Variants in COQ2 observed in about 807,000 individuals in gnomAD.
COQ2 encodes the protein 4-hydroxybenzoate polyprenyltransferase, mitochondrial.
A neutral mutation model predicts 35.7 loss-of-function variants in COQ2; 25 were observed. The observed-to-expected ratio is 0.70, with a 90% confidence interval of 0.51 to 0.98. The LOEUF (loss-of-function observed/expected upper bound fraction) is 0.98, where lower values mean the gene tolerates loss of function less well. Ranked by LOEUF, COQ2 falls within the 50% of genes least tolerant of loss-of-function variation. The pLI is 0.00. For synonymous variants in COQ2, 206 were observed against 186.2 expected (o/e 1.11, Z -0.86); for missense variants, 488 against 473.5 (o/e 1.03, Z -0.28).
intron 2 of COQ2, among the ~76,000 whole-genome samples, chr4:83,274,235 TAA>T (rs1735114530): frequency 6.6e-6 from 1 of 152,094 alleles, no homozygotes; most frequent in South Asian, 2.1e-4. Flanking sequence ...AGAGAAAGCC[TAA>T]AATATTTACG....
intron 1 of COQ2, among the ~76,000 whole-genome samples, chr4:83,282,151 G>T (rs1735340436): frequency 6.6e-6 from 1 of 152,180 alleles, no homozygotes; most frequent in Non-Finnish European, 1.5e-5. Flanking sequence ...ATCAAAAACA[G>T]ATGATCTTCA....
chr4:83,284,405 G>A, intron 1 of COQ2, 107 bp downstream of exon 1: 1 of 1,434,868 alleles, frequency 7.0e-7, no homozygotes. Flanking sequence ...AAGCTTTCAG[G>A]TTCTCATTTC....
intron 6 of COQ2, among the ~76,000 whole-genome samples, chr4:83,265,820 A>G (rs1734905749): frequency 1.3e-5 from 2 of 151,904 alleles, no homozygotes; most frequent in Admixed American, 1.3e-4. Context: ...GCACACCACC[A>G]TGCCCAGCTA....
At chr4:83,276,816 G>T (rs762025011) in intron 2 of COQ2, among the ~76,000 whole-genome samples, 4 of 152,114 alleles carry the variant, frequency 2.6e-5, no homozygotes, top group Non-Finnish European at 4.4e-5. Flanking sequence ...TGGATGACTA[G>T]ATTAAAAAAT....
intron 3 of COQ2, among the ~76,000 whole-genome samples, chr4:83,272,926 T>C (rs886936847): frequency 2.6e-5 from 4 of 152,186 alleles, no homozygotes; most frequent in African/African-American, 9.6e-5. Flanking sequence ...CGCAATTAAG[T>C]CTAGTCTCCA....
chr4:83,267,820 C>T (rs1734959471), intron 5 of COQ2, 46 bp from the exon 6 acceptor site: 4 of 1,447,670 alleles, frequency 2.8e-6, no homozygotes, highest in Non-Finnish European at 3.7e-6. Context: ...ATTTAGTTCA[C>T]ACACCATAAA....
chr4:83,277,963 T>TCCATC (rs1735222911), intron 2 of COQ2, among the ~76,000 whole-genome samples: 1 of 135,384 alleles, frequency 7.4e-6, no homozygotes, highest in Non-Finnish European at 1.5e-5. Flanking sequence ...AGAGTGAAAC[T>TCCATC]CCATCTCAAA....
At chr4:83,279,209 C>T in intron 1 of COQ2, 95 bp from the exon 2 acceptor site, 16 of 1,362,708 alleles carry the variant, frequency 1.2e-5, no homozygotes, top group South Asian at 6.9e-5. Context: ...ATAAAGAACA[C>T]TATAAGTCAA....
At chr4:83,284,428 G>C in intron 1 of COQ2, 84 bp downstream of exon 1, 1 of 1,467,194 alleles carries the variant, frequency 6.8e-7, no homozygotes, top group African/African-American at 1.5e-5. Context: ...TCACGCCCCG[G>C]CCGGCCGCCG....
rs1413528321 is a variant in COQ2, at chr4:83,279,136, A to G, written c.254-22T>C. 5.3e-6 allele frequency: 8 copies of G among 1,521,520 alleles called. 1 individual carries two copies. The Admixed American group carries it at 1.7e-4, about 32-fold the overall frequency. The allele number at this position is 1,521,520 out of a possible 1,614,324, so 94.3% of individuals were successfully genotyped here. On this transcript the variant is annotated intron_variant, in intron 1 of 6. Coordinates refer to ENST00000647002, the MANE Select transcript of COQ2 (RefSeq NM_001358921.2). ...GTTCCTAAGCAAAAATAAAAAGACA[A>G]AAAAGGTACAAATTTAAGTCAGTTA...
Position 83,264,012 on chromosome 4 carries a change from C to G in COQ2, c.*187G>C, listed in dbSNP as rs1250959014. 4.4e-6 allele frequency: 2 copies of G among 453,754 alleles called. No homozygotes were observed. Among genetic ancestry groups the G allele is most frequent in the East Asian group, 9.2e-5 (2 of 21,748 alleles). 28.1% of individuals were successfully genotyped at this position (453,754 alleles called of 1,614,324 possible). A position where few individuals can be genotyped will look rare whatever the true frequency, so the allele number is the denominator to read the frequency against. On this transcript the variant is annotated 3_prime_UTR_variant, in exon 7 of 7. Coordinates refer to ENST00000647002, the MANE Select transcript of COQ2 (RefSeq NM_001358921.2). ...AAAATACTCAAGGCCATCTCAAATC[C>G]TGAAGAGTCCCTGGTTTCTGTGACA...
chr4:83,266,750 A>G (rs1467170787), intron 6 of COQ2: 1 of 158,250 alleles, frequency 6.3e-6, no homozygotes, highest in Non-Finnish European at 1.4e-5. Context: ...TAAGTTTCTG[A>G]CAGGTAGGGG....
At chr4:83,267,076 A>T (rs1016866659) in intron 6 of COQ2, 112 of 420,988 alleles carry the variant, frequency 2.7e-4, no homozygotes, top group African/African-American at 8.4e-4. Flanking sequence ...TATTATTTTT[A>T]AAAAATAATA....
At chr4:83,271,105 G>C (rs191043327) in intron 4 of COQ2, among the ~76,000 whole-genome samples, 3 of 152,218 alleles carry the variant, frequency 2.0e-5, no homozygotes, top group Admixed American at 6.5e-5. Flanking sequence ...GAATAGAATA[G>C]AAAAGTCTGG....
Position 83,279,126 on chromosome 4 carries a change from TA to T in COQ2, c.254-13del. 1 of 1,527,856 alleles carries T rather than the reference TA, an allele frequency of 6.5e-7. No individual in the cohort carries two copies. Among genetic ancestry groups the T allele is most frequent in the Non-Finnish European group, 8.8e-7 (1 of 1,142,376 alleles). The allele number at this position is 1,527,856 out of a possible 1,614,324, so 94.6% of individuals were successfully genotyped here. A position where few individuals can be genotyped will look rare whatever the true frequency, so the allele number is the denominator to read the frequency against. ...CAGAAGCCAGGTTCCTAAGCAAAAA[TA>T]AAAAGACAAAAAAGGTACAAATTTA... On this transcript the variant is annotated splice_polypyrimidine_tract_variant and intron_variant, in intron 1 of 6. Coordinates refer to ENST00000647002, the MANE Select transcript of COQ2 (RefSeq NM_001358921.2).
Position 83,273,535 on chromosome 4 carries a change from G to T in COQ2, c.503C>A (p.Thr168Asn). 1 of 1,613,678 alleles carries T rather than the reference G, an allele frequency of 6.2e-7. No individual in the cohort carries two copies. Among genetic ancestry groups the T allele is most frequent in the Non-Finnish European group, 8.5e-7 (1 of 1,179,720 alleles). ...ACACAGAAGAACACCCAGTGCCAGG[G>T]TTAGCTGTCCCCCAAGAAAAACAAA... ...QSFVFLGGQLTLALGVLLCLN... is the reference protein window; with the variant it reads ...QSFVFLGGQLNLALGVLLCLN... Residue 168 changes from threonine (T) to asparagine (N), a missense_variant, in exon 3 of 7, where the codon ACC becomes AAC. Coordinates refer to ENST00000647002, the MANE Select transcript of COQ2 (RefSeq NM_001358921.2).
At chr4:83,266,365 G>GT (rs72433716) in intron 6 of COQ2, among the ~76,000 whole-genome samples, 377 of 144,558 alleles carry the variant, frequency 2.6e-3, no homozygotes, top group Non-Finnish European at 3.0e-3. Flanking sequence ...TTTTTTTTTT[G>GT]TTTTTTTTTT....
At chr4:83,277,719 C>T (rs1735214415) in intron 2 of COQ2, among the ~76,000 whole-genome samples, 2 of 152,238 alleles carry the variant, frequency 1.3e-5, no homozygotes, top group Middle Eastern at 3.4e-3. Context: ...CCTGTAATCC[C>T]AGCACTTTGG....
chr4:83,283,580 G>A (rs1210016539), intron 1 of COQ2: 1 of 985,286 alleles, frequency 1.0e-6, no homozygotes, highest in Admixed American at 6.2e-5. Flanking sequence ...TCTTTTTCCT[G>A]TAGCACTTGC....
Sources: allele counts gnomAD v4.1 joint callset (sites outside exome capture counted in the v4.1 genomes callset), GRCh38; gene constraint gnomAD v4.1.1; transcripts MANE v1.5; gene names NCBI Gene and HGNC (gene_info 2026-07-23, HGNC 2026-07-21).